Variants in XPNPEP3 observed in about 807,000 individuals in gnomAD.
XPNPEP3 encodes X-prolyl aminopeptidase 3, also known as xaa-Pro aminopeptidase 3.
Under a neutral mutation model 60.0 loss-of-function variants are expected in XPNPEP3, and 41 were observed. The observed-to-expected ratio is 0.68, with a 90% confidence interval of 0.53 to 0.89. The LOEUF is 0.89. Ranked by LOEUF, XPNPEP3 falls within the 40% of genes least tolerant of loss-of-function variation. XPNPEP3 has a pLI of 0.00. For synonymous variants in XPNPEP3, 212 were observed against 223.2 expected (o/e 0.95, Z 0.45); for missense variants, 598 against 638.9 (o/e 0.94, Z 0.69).
intron 1 of XPNPEP3, chr22:40,860,906 T>C: frequency 1.4e-6 from 1 of 718,308 alleles, no homozygotes. Context: ...CTCATCCTTT[T>C]CTGACATACC....
At chr22:40,908,246 G>C (rs772550314) in intron 5 of XPNPEP3, among the ~76,000 whole-genome samples, 3 of 151,534 alleles carry the variant, frequency 2.0e-5, no homozygotes, top group Non-Finnish European at 4.4e-5. Flanking sequence ...GAGGCCAGGC[G>C]TGCTGGCACA....
chr22:40,922,655 G>A (rs1302058360), intron 8 of XPNPEP3, 142 bp downstream of exon 8: 20 of 1,092,378 alleles, frequency 1.8e-5, no homozygotes, highest in Non-Finnish European at 2.5e-5. Context: ...GGAGGCTGAG[G>A]CAGGAGGATT....
chr22:40,887,488 G>C (rs745676712), intron 4 of XPNPEP3, among the ~76,000 whole-genome samples: 94 of 152,258 alleles, frequency 6.2e-4, no homozygotes, highest in African/African-American at 2.1e-3. Context: ...TCCATTTCTG[G>C]TGAGGGCTCT....
intron 9 of XPNPEP3, among the ~76,000 whole-genome samples, 191 bp from the exon 10 acceptor site, chr22:40,926,076 CAT>C (rs1329252010): frequency 6.6e-6 from 1 of 152,162 alleles, no homozygotes; most frequent in Non-Finnish European, 1.5e-5. Context: ...ATGATACCAA[CAT>C]GTGTTGACCA....
At position 40,920,510 on chromosome 22, in the gene XPNPEP3, T is replaced by G. The variant is rs188118471; in HGVS notation, c.1056-1823T>G. On this transcript the variant is annotated intron_variant, in intron 7 of 9. Transcript: ENST00000357137. ...TTTATATTATAGTCTTGAGGCAGAA[T>G]TCCTTCTCCAGTATACCAAAGCAGT... 4.2e-3 allele frequency among the ~76,000 whole-genome samples: 640 copies of G among 152,300 alleles called. 3 individuals carry two copies. The highest frequency in any genetic ancestry group is 6.8e-3 in the Non-Finnish European group (464 of 68,032).
At chr22:40,858,095 G>A (rs180838101) in intron 1 of XPNPEP3, among the ~76,000 whole-genome samples, 166 of 152,318 alleles carry the variant, frequency 1.1e-3, no homozygotes, top group Admixed American at 2.7e-3. Context: ...TAGGTGAAAA[G>A]AAAGATGTGC....
intron 4 of XPNPEP3, among the ~76,000 whole-genome samples, chr22:40,899,831 A>AG (rs1348668904): frequency 6.8e-6 from 1 of 147,706 alleles, no homozygotes; most frequent in East Asian, 2.1e-4. Context: ...AAAAAAAAAA[A>AG]AAAAAAGGAA....
chr22:40,857,334 T>A, intron 1 of XPNPEP3, 89 bp downstream of exon 1: 1 of 1,451,586 alleles, frequency 6.9e-7, no homozygotes, highest in Non-Finnish European at 9.5e-7. Context: ...GGCTGACCCT[T>A]CTCCTGGTGG....
intron 4 of XPNPEP3, among the ~76,000 whole-genome samples, chr22:40,887,791 C>T (rs1287390523): frequency 6.6e-6 from 1 of 151,788 alleles, no homozygotes; most frequent in African/African-American, 2.4e-5. Flanking sequence ...TGCTACGTAA[C>T]AGTAAAGCCC....
intron 5 of XPNPEP3, 92 bp from the exon 6 acceptor site, chr22:40,909,030 T>C (rs2146270743): frequency 2.1e-6 from 2 of 937,762 alleles, no homozygotes; most frequent in East Asian, 4.8e-5. Context: ...TTAAGATAAG[T>C]ACTGGTATGG....
At chr22:40,906,420 C>CAAAA (rs11440795) in intron 4 of XPNPEP3, among the ~76,000 whole-genome samples, 3 of 105,028 alleles carry the variant, frequency 2.9e-5, no homozygotes, top group African/African-American at 1.0e-4. Flanking sequence ...GACTCTGTCT[C>CAAAA]AAAAAAAAAA....
chr22:40,910,360 CTA>C (rs1448642029), intron 6 of XPNPEP3, among the ~76,000 whole-genome samples: 1 of 152,074 alleles, frequency 6.6e-6, no homozygotes, highest in East Asian at 1.9e-4. Flanking sequence ...TTTATAAACT[CTA>C]TACAAATTGT....
At chr22:40,893,420 CTT>C in intron 4 of XPNPEP3, among the ~76,000 whole-genome samples, 1 of 140,216 alleles carries the variant, frequency 7.1e-6, no homozygotes, top group African/African-American at 2.6e-5. Context: ...GCAGGAGAAT[CTT>C]TGAACCCAGG....
chr22:40,860,660 T>C, intron 1 of XPNPEP3: 1 of 1,292,866 alleles, frequency 7.7e-7, no homozygotes, highest in Admixed American at 2.4e-5. Context: ...AAATTCCTTT[T>C]TTTTTTTTTT....
At chr22:40,857,462 T>G (rs2057908657) in intron 1 of XPNPEP3, among the ~76,000 whole-genome samples, 1 of 152,264 alleles carries the variant, frequency 6.6e-6, no homozygotes, top group Admixed American at 6.5e-5. Flanking sequence ...CCGAAATGAC[T>G]GCAGAGAGAA....
intron 4 of XPNPEP3, among the ~76,000 whole-genome samples, chr22:40,895,946 C>T (rs1426182384): frequency 6.6e-6 from 1 of 152,192 alleles, no homozygotes; most frequent in Non-Finnish European, 1.5e-5. Flanking sequence ...TGTTCCCTGC[C>T]AGGAGTTGGG....
chr22:40,881,349 G>T, intron 2 of XPNPEP3, among the ~76,000 whole-genome samples: 1 of 151,672 alleles, frequency 6.6e-6, no homozygotes, highest in Non-Finnish European at 1.5e-5. Flanking sequence ...TCAGCTAGTC[G>T]GGAGGCTGAA....
chr22:40,904,711 GTTAT>G (rs2058147791), intron 4 of XPNPEP3, among the ~76,000 whole-genome samples: 2 of 152,162 alleles, frequency 1.3e-5, no homozygotes. Flanking sequence ...TGCTGAATAA[GTTAT>G]TTGTCAACAT....
At position 40,881,974 on chromosome 22, in the gene XPNPEP3, A is replaced by G. The variant is rs775768485; in HGVS notation, c.386A>G (p.Glu129Gly). 7.4e-6 allele frequency: 12 copies of G among 1,614,048 alleles called. No individual in the cohort carries two copies. Among genetic ancestry groups the G allele is most frequent in the Non-Finnish European group, 8.5e-6 (10 of 1,179,982 alleles). ...TTCCTGTACCTATGTGGATTCCAAG[A>G]GCCTGATAGCATTCTTGTCCTTCAG... ...NNFLYLCGFQEPDSILVLQSL... is the reference protein window; with the variant it reads ...NNFLYLCGFQGPDSILVLQSL... Residue 129 changes from glutamate (E) to glycine (G), a missense_variant, in exon 3 of 10, where the codon GAG (glutamate) becomes GGG (glycine). By Grantham distance (98) the Glu-to-Gly change is moderately conservative. Transcript: ENST00000357137.
Sources: gnomAD v4.1 joint callset for allele counts (sites outside exome capture counted in the v4.1 genomes callset) on GRCh38, gnomAD v4.1.1 for gene constraint, MANE v1.5 for transcripts, NCBI Gene and HGNC (gene_info 2026-07-23, HGNC 2026-07-21) for gene names.